The following SUGT1 variants were observed in gnomAD, a reference collection of about 807,000 sequenced individuals.
SUGT1 encodes protein SGT1 homolog.
A neutral mutation model predicts 56.1 loss-of-function variants in SUGT1; 15 were observed. The ratio of observed to expected loss-of-function variants is 0.27; its 90% CI spans 0.18 to 0.41. The LOEUF (loss-of-function observed/expected upper bound fraction) is 0.41, where lower values mean the gene tolerates loss of function less well. SUGT1 is among the 10% of genes least tolerant of loss of function. SUGT1 has a pLI of 1.00. For missense variants in SUGT1, 347 were observed against 382.2 expected (o/e 0.91, Z 0.77); for synonymous variants, 123 against 128.6 (o/e 0.96, Z 0.30).
rs1963746183 is a variant in SUGT1 at position 52,690,490 on chromosome 13, G to A, written c.*2655G>A. 6.6e-6 allele frequency: 1 copy of A among 152,062 alleles called. No individual in the cohort carries two copies. Among genetic ancestry groups the A allele is most frequent in the Non-Finnish European group, 1.5e-5 (1 of 68,028 alleles). 9.4% of individuals were successfully genotyped at this position (152,062 alleles called of 1,614,324 possible). A position where few individuals can be genotyped will look rare whatever the true frequency, so the allele number is the denominator to read the frequency against. ...CTTAAATGTTTCCTTTCCCTTTTAAGGTTAGTCCTGGAATACATGTTTTTC... is the reference window on the plus strand; with the variant it reads ...CTTAAATGTTTCCTTTCCCTTTTAAAGTTAGTCCTGGAATACATGTTTTTC... On this transcript the variant is annotated 3_prime_UTR_variant, in exon 13 of 13. Coordinates refer to ENST00000310528, the MANE Select transcript of SUGT1 (RefSeq NM_006704.5).
At chr13:52,662,448 G>C (rs1348899318) in intron 5 of SUGT1, among the ~76,000 whole-genome samples, 3 of 152,192 alleles carry the variant, frequency 2.0e-5, no homozygotes, top group Admixed American at 6.6e-5. Context: ...AATGTTTCAT[G>C]ATTAACAACT....
In SUGT1 at chr13:52,696,340, AG is replaced by A. The variant is rs147740371; in HGVS notation, c.*8506del. 1.0e-3 allele frequency: 157 copies of A among 152,182 alleles called. No individual in the cohort carries two copies. Among genetic ancestry groups the A allele is most frequent in the African/African-American group, 3.4e-3 (140 of 41,504 alleles). 9.4% of individuals were successfully genotyped at this position (152,182 alleles called of 1,614,324 possible). Reference sequence around the variant, plus strand: ...CTCTACTGAAATGCATTGCCACTCTAGTTGTGATGTGGGAGTGCCTTGTTTA... The same window carrying A: ...CTCTACTGAAATGCATTGCCACTCTATTGTGATGTGGGAGTGCCTTGTTTA... On this transcript the variant is annotated 3_prime_UTR_variant, in exon 13 of 13. Coordinates refer to ENST00000310528, the MANE Select transcript of SUGT1 (RefSeq NM_006704.5).
chr13:52,698,491 T>C lies in SUGT1; in HGVS notation c.*10656T>C, dbSNP rs1179118239. ...TTTAAGAGACAGGGTTTTGCTCTGC[T>C]GTCCAGGCACACAATAGCTCACTGT... is the stretch of plus-strand genomic sequence containing the variant. On this transcript the variant is annotated 3_prime_UTR_variant, in exon 13 of 13. Transcript: ENST00000310528. 1 of 10,786 alleles carries C rather than the reference T, an allele frequency of 9.3e-5. No individual in the cohort carries two copies. The allele number at this position is 10,786 out of a possible 1,614,324, so 0.7% of individuals were successfully genotyped here.
intron 11 of SUGT1, 57 bp from the exon 12 acceptor site, chr13:52,679,917 T>C (rs1176398506): frequency 6.6e-7 from 1 of 1,505,694 alleles, no homozygotes; most frequent in Non-Finnish European, 8.9e-7. Context: ...AGTTTACATA[T>C]TCTCGACATA....
intron 11 of SUGT1, among the ~76,000 whole-genome samples, chr13:52,678,960 G>T (rs769481697): frequency 6.6e-6 from 1 of 152,068 alleles, no homozygotes; most frequent in Non-Finnish European, 1.5e-5. Context: ...GGGATTATAG[G>T]TGTGAGCCCC....
At chr13:52,684,584 A>G (rs530813375) in intron 12 of SUGT1, among the ~76,000 whole-genome samples, 6 of 151,904 alleles carry the variant, frequency 3.9e-5, no homozygotes, top group Non-Finnish European at 5.9e-5. Context: ...TGTCGCCCAG[A>G]GGGGAGTGCA....
chr13:52,690,460 T>A lies in SUGT1; in HGVS notation c.*2625T>A, dbSNP rs900426793. The A allele has an allele frequency of 6.6e-5, 10 of 152,212 alleles. No homozygotes were observed. Among genetic ancestry groups the A allele is most frequent in the Admixed American group, 6.5e-4 (10 of 15,272 alleles). 9.4% of individuals were successfully genotyped at this position (152,212 alleles called of 1,614,324 possible). A position where few individuals can be genotyped will look rare whatever the true frequency, so the allele number is the denominator to read the frequency against. On this transcript the variant is annotated 3_prime_UTR_variant, in exon 13 of 13. Coordinates refer to ENST00000310528, the MANE Select transcript of SUGT1 (RefSeq NM_006704.5). ...TTGTTTCTTCAGAATGTATGTATTT[T>A]TCCTCTTAAATGTTTCCTTTCCCTT...
intron 8 of SUGT1, among the ~76,000 whole-genome samples, chr13:52,665,149 A>G (rs932085343): frequency 3.9e-5 from 6 of 152,282 alleles, no homozygotes; most frequent in South Asian, 2.1e-4. Context: ...GCTCAAGTCT[A>G]TCTGCTTCCA....
intron 5 of SUGT1, among the ~76,000 whole-genome samples, chr13:52,662,278 C>T (rs1366487296): frequency 1.3e-5 from 2 of 152,270 alleles, no homozygotes; most frequent in African/African-American, 4.8e-5. Context: ...ACCAAGCCTC[C>T]TCCCCACCCT....
At chr13:52,679,862 G>A in intron 11 of SUGT1, 112 bp from the exon 12 acceptor site, 1 of 1,035,984 alleles carries the variant, frequency 9.7e-7, no homozygotes, top group Non-Finnish European at 1.3e-6. Context: ...CTGAAATTCA[G>A]TAACCTAAAC....
chr13:52,698,874 A>C lies in SUGT1; in HGVS notation c.*11039A>C, dbSNP rs920842055. On this transcript the variant is annotated 3_prime_UTR_variant, in exon 13 of 13. Transcript: ENST00000310528. The stretch of plus-strand genomic sequence containing the variant: ...ACCTTCACTTGGGAAGCTTATTTTT[A>C]AAAATGTAGACCTTCATTACTTTCC... The C allele has an allele frequency of 4.6e-5, 7 of 152,264 alleles. No individual in the cohort carries two copies. The highest frequency in any genetic ancestry group is 1.7e-4 in the African/African-American group (7 of 41,552). The allele number at this position is 152,264 out of a possible 1,614,324, so 9.4% of individuals were successfully genotyped here. A position where few individuals can be genotyped will look rare whatever the true frequency, so the allele number is the denominator to read the frequency against.
chr13:52,671,307 T>G (rs1203269859), intron 10 of SUGT1, among the ~76,000 whole-genome samples: 4 of 29,268 alleles, frequency 1.4e-4, no homozygotes, highest in African/African-American at 5.1e-4. Context: ...GTAATGTATA[T>G]TTATATATTT....
Position 52,699,644 on chromosome 13 carries a change from G to A in SUGT1, c.*11809G>A, listed in dbSNP as rs1021647573. On this transcript the variant is annotated 3_prime_UTR_variant, in exon 13 of 13. Transcript: ENST00000310528. ...ATTTGCCTTTAACAGCATTAGTCCC[G>A]CTAAGAGAAAGTTTTTGCTTGTCTA... 1.3e-5 allele frequency: 2 copies of A among 152,070 alleles called. No homozygotes were observed. The highest frequency in any genetic ancestry group is 4.8e-5 in the African/African-American group (2 of 41,410). The allele number at this position is 152,070 out of a possible 1,614,324, so 9.4% of individuals were successfully genotyped here. A position where few individuals can be genotyped will look rare whatever the true frequency, so the allele number is the denominator to read the frequency against.
intron 5 of SUGT1, among the ~76,000 whole-genome samples, chr13:52,661,146 A>G (rs548970682): frequency 6.6e-6 from 1 of 152,052 alleles, no homozygotes; most frequent in Non-Finnish European, 1.5e-5. Flanking sequence ...TCTTAATATC[A>G]TGCCATTGAC....
At chr13:52,661,192 A>T (rs1962429836) in intron 5 of SUGT1, among the ~76,000 whole-genome samples, 1 of 152,200 alleles carries the variant, frequency 6.6e-6, no homozygotes, top group Non-Finnish European at 1.5e-5. Flanking sequence ...TGGCCTTCAG[A>T]GGAAGACCTG....
At chr13:52,681,846 A>AC (rs1310648522) in intron 12 of SUGT1, among the ~76,000 whole-genome samples, 1 of 149,386 alleles carries the variant, frequency 6.7e-6, no homozygotes, top group African/African-American at 2.5e-5. Context: ...TAAAAAAAAA[A>AC]AAAAGAGAGA....
rs1346296740 is a variant in SUGT1, at chr13:52,696,659, G to A, written c.*8824G>A. On this transcript the variant is annotated 3_prime_UTR_variant, in exon 13 of 13. Transcript: ENST00000310528. ...GTTTTCAAAAAGATGAGGTCTTGCT[G>A]TGGTGCTCAGGCTGGAGTGCAGTGG... 1 of 152,170 alleles carries A rather than the reference G, an allele frequency of 6.6e-6. No homozygotes were observed. Among genetic ancestry groups the A allele is most frequent in the African/African-American group, 2.4e-5 (1 of 41,430 alleles). 9.4% of individuals were successfully genotyped at this position (152,170 alleles called of 1,614,324 possible). A position where few individuals can be genotyped will look rare whatever the true frequency, so the allele number is the denominator to read the frequency against.
intron 5 of SUGT1, among the ~76,000 whole-genome samples, chr13:52,662,267 T>C (rs1338863055): frequency 6.6e-6 from 1 of 152,152 alleles, no homozygotes; most frequent in Non-Finnish European, 1.5e-5. Flanking sequence ...AGCTCCCAGT[T>C]ACCAAGCCTC....
chr13:52,666,979 A>ATTAGTTC, intron 10 of SUGT1, 60 bp downstream of exon 10: 2 of 1,130,456 alleles, frequency 1.8e-6, no homozygotes, highest in Non-Finnish European at 1.3e-6. Context: ...AATACTGGTG[A>ATTAGTTC]ACTAATCACC....
Sources: allele counts gnomAD v4.1 joint callset (sites outside exome capture counted in the v4.1 genomes callset), GRCh38; gene constraint gnomAD v4.1.1; transcripts MANE v1.5; gene names NCBI Gene and HGNC (gene_info 2026-07-23, HGNC 2026-07-21).